The following USP13 variants were observed in gnomAD, a reference collection of about 807,000 sequenced individuals.
USP13 encodes the protein ubiquitin carboxyl-terminal hydrolase 13.
USP13 carries 68 observed loss-of-function variants against 107.8 expected under a neutral mutation model. The ratio of observed to expected loss-of-function variants is 0.63; its 90% CI spans 0.52 to 0.77. The LOEUF is 0.77. Ranked by LOEUF, USP13 falls within the 30% of genes least tolerant of loss-of-function variation. The pLI, the probability that USP13 is intolerant of heterozygous loss-of-function variation, is 0.00. For synonymous variants in USP13, 377 were observed against 389.5 expected, an observed-to-expected ratio of 0.97 and a Z score of 0.38; for missense variants, 945 against 1,093.3, an observed-to-expected ratio of 0.86 and a Z score of 1.91.
In USP13 at chr3:179,706,960, C is replaced by G; in HGVS notation, c.504C>G (p.Leu168=). Residue 168 remains leucine, a synonymous_variant, in exon 5 of 21, where the codon CTC becomes CTG. Coordinates refer to ENST00000263966, the MANE Select transcript of USP13 (RefSeq NM_003940.3). ...TAACAATTGCTTGTGATGCAGTTCT[C>G]AGCTCAAAATCTCCATACAGAAAGC... ...ALVTIACDAV[L]SSKSPYRKQD... is the part of the protein sequence containing the mutation. The G allele has an allele frequency of 1.2e-6, 2 of 1,613,982 alleles. No individual in the cohort carries two copies. Among genetic ancestry groups the G allele is most frequent in the Non-Finnish European group, 1.7e-6 (2 of 1,179,994 alleles).
In USP13 at chr3:179,653,124, G is replaced by T; in HGVS notation, c.-102G>T. The T allele has an allele frequency of 1.0e-6, 1 of 963,350 alleles. No individual in the cohort carries two copies. The highest frequency in any genetic ancestry group is 1.2e-6 in the Non-Finnish European group (1 of 809,628). The allele number at this position is 963,350 out of a possible 1,614,324, so 59.7% of individuals were successfully genotyped here. On this transcript the variant is annotated 5_prime_UTR_variant, in exon 1 of 21. Coordinates refer to ENST00000263966, the MANE Select transcript of USP13 (RefSeq NM_003940.3). This position sits in a 1 kb window ranked among gnomAD's most constrained non-coding sequence, Gnocchi z 4.0. ...CCGGCTCGGCCGGCTGCCGTTGCCC[G>T]CGCAGCCCGCCCGTCAGCCCGCTCG...
intron 10 of USP13, among the ~76,000 whole-genome samples, chr3:179,732,377 C>T (rs1054122446): frequency 2.0e-5 from 3 of 152,162 alleles, no homozygotes; most frequent in African/African-American, 2.4e-5. Context: ...CTCAAACAGG[C>T]GGTGTCACTT....
intron 12 of USP13, among the ~76,000 whole-genome samples, chr3:179,743,284 G>T (rs1047773311): frequency 1.3e-5 from 2 of 152,078 alleles, no homozygotes; most frequent in Non-Finnish European, 2.9e-5. Context: ...GAACTTAGAG[G>T]ACAGGTCAGT....
At chr3:179,728,207 C>T (rs1257548621) in intron 8 of USP13, among the ~76,000 whole-genome samples, 2 of 147,998 alleles carry the variant, frequency 1.4e-5, no homozygotes, top group Non-Finnish European at 3.0e-5. Context: ...GGGCTGACCC[C>T]CCCACCTCCC....
intron 10 of USP13, among the ~76,000 whole-genome samples, chr3:179,733,687 G>T (rs1293002341): frequency 5.3e-5 from 8 of 152,158 alleles, no homozygotes; most frequent in Non-Finnish European, 1.0e-4. Flanking sequence ...TGTATGGTGT[G>T]GGGGAGAGAG....
rs1199061593 is a variant in USP13, at chr3:179,653,435, C to T, written c.168+42C>T. ...GGGGGAGGGTCGCGGGGCCGGCGGC[C>T]TGCGGCACGTGAAGCCGGGGGAGAA... On this transcript the variant is annotated intron_variant, in intron 1 of 20. Transcript: ENST00000263966. The surrounding 1 kb of genome is among the most constrained non-coding windows in gnomAD (Gnocchi z 4.0). 2.0e-6 allele frequency: 3 copies of T among 1,534,368 alleles called. No individual in the cohort carries two copies. Among genetic ancestry groups the T allele is most frequent in the Admixed American group, 4.0e-5 (2 of 49,600 alleles).
intron 19 of USP13, 46 bp from the exon 20 acceptor site, chr3:179,781,693 A>G (rs1256641688): frequency 1.9e-6 from 3 of 1,556,130 alleles, no homozygotes; most frequent in African/African-American, 2.7e-5. Context: ...AGTGCTCTTC[A>G]TTCTGGAAAT....
intron 2 of USP13, among the ~76,000 whole-genome samples, chr3:179,687,820 CTGA>C (rs912076663): frequency 6.6e-6 from 1 of 152,028 alleles, no homozygotes; most frequent in Non-Finnish European, 1.5e-5. Context: ...ACTTAAATCT[CTGA>C]TGTTTCTCCC....
intron 1 of USP13, among the ~76,000 whole-genome samples, chr3:179,674,140 G>A (rs991767378): frequency 2.0e-5 from 3 of 152,058 alleles, no homozygotes; most frequent in African/African-American, 7.3e-5. Flanking sequence ...TGATTCACCC[G>A]CCTCAGCCTC....
At chr3:179,696,763 T>C (rs1027539516) in intron 3 of USP13, among the ~76,000 whole-genome samples, 4 of 152,026 alleles carry the variant, frequency 2.6e-5, no homozygotes, top group Admixed American at 2.6e-4. Context: ...TGGAAAAATA[T>C]GAAAGTTGGT....
chr3:179,722,169 T>C (rs2108495455), intron 8 of USP13, among the ~76,000 whole-genome samples: 1 of 152,172 alleles, frequency 6.6e-6, no homozygotes, highest in Non-Finnish European at 1.5e-5. Flanking sequence ...GTACCAAGAA[T>C]ATATTAATCA....
chr3:179,680,134 T>C (rs907223930), intron 1 of USP13, among the ~76,000 whole-genome samples: 6 of 151,132 alleles, frequency 4.0e-5, no homozygotes, highest in Non-Finnish European at 5.9e-5. Context: ...GATCCTGCCA[T>C]TACACTCCAG....
At position 179,742,077 on chromosome 3, in the gene USP13, TG is replaced by T; in HGVS notation, c.1381-118del. 1 of 1,248,790 alleles carries T rather than the reference TG, an allele frequency of 8.0e-7. No individual in the cohort carries two copies. Among genetic ancestry groups the T allele is most frequent in the Non-Finnish European group, 1.1e-6 (1 of 899,322 alleles). The allele number at this position is 1,248,790 out of a possible 1,614,324, so 77.4% of individuals were successfully genotyped here. ...ATTAAAGTGCTTTGGTGAATGGGCA[TG>T]GCCAGAGGAAATGTTTAATAAAGCC... On this transcript the variant is annotated intron_variant, in intron 11 of 20. Transcript: ENST00000263966. This position sits in a 1 kb window ranked among gnomAD's most constrained non-coding sequence, Gnocchi z 5.0.
Position 179,784,202 on chromosome 3 carries a change from AAAGAAG to A in USP13, c.*71_*76del. On this transcript the variant is annotated 3_prime_UTR_variant, in exon 21 of 21. Coordinates refer to ENST00000263966, the MANE Select transcript of USP13 (RefSeq NM_003940.3). ...CGCCTTTTTAATTTGCCAAAAAAAA[AAAGAAG>A]AAGAAGAAGTTGAAACAACTAGACA... 1.6e-5 allele frequency: 21 copies of A among 1,321,266 alleles called. No homozygotes were observed. The highest frequency in any genetic ancestry group is 9.6e-6 in the Non-Finnish European group (9 of 941,720). The allele number at this position is 1,321,266 out of a possible 1,614,324, so 81.8% of individuals were successfully genotyped here. A position where few individuals can be genotyped will look rare whatever the true frequency, so the allele number is the denominator to read the frequency against.
chr3:179,706,872 C>A lies in USP13; in HGVS notation c.478-62C>A. 2.0e-6 allele frequency: 3 copies of A among 1,517,140 alleles called. No homozygotes were observed. The South Asian group carries it at 3.9e-5, about 19-fold the overall frequency. The allele number at this position is 1,517,140 out of a possible 1,614,324, so 94.0% of individuals were successfully genotyped here. ...TTCATATTCTAGTGAATTTGCTATT[C>A]ACTAGCAAATCGTTATTTTCTCAAA... On this transcript the variant is annotated intron_variant, in intron 4 of 20. Transcript: ENST00000263966.
chr3:179,673,141 T>C (rs1408657488), intron 1 of USP13, among the ~76,000 whole-genome samples: 1 of 152,230 alleles, frequency 6.6e-6, no homozygotes, highest in African/African-American at 2.4e-5. Flanking sequence ...TGCCTCAGGC[T>C]GTTTTTCTAT....
intron 13 of USP13, among the ~76,000 whole-genome samples, chr3:179,750,830 G>T (rs1219943381): frequency 6.6e-6 from 1 of 152,192 alleles, no homozygotes; most frequent in African/African-American, 2.4e-5. Flanking sequence ...GAGTGTCAGT[G>T]GTTTGCCCAG....
At chr3:179,658,174 C>T (rs1273157674) in intron 1 of USP13, among the ~76,000 whole-genome samples, 8 of 152,208 alleles carry the variant, frequency 5.3e-5, no homozygotes, top group South Asian at 2.1e-4. Context: ...CAGGCTGGTC[C>T]TGAACTCCTG....
At chr3:179,766,357 T>C (rs373516257) in intron 19 of USP13, among the ~76,000 whole-genome samples, 3 of 152,322 alleles carry the variant, frequency 2.0e-5, no homozygotes, top group East Asian at 1.9e-4. Flanking sequence ...GTCAGAATCA[T>C]GTTGCTTGGT....
Sources: gnomAD v4.1 joint callset for allele counts (sites outside exome capture counted in the v4.1 genomes callset) on GRCh38, gnomAD v4.1.1 for gene constraint, Gnocchi (gnomAD v3.1) non-coding constraint, MANE v1.5 for transcripts, NCBI Gene and HGNC (gene_info 2026-07-23, HGNC 2026-07-21) for gene names.